The following KCNH8 variants were observed in gnomAD, a reference collection of about 807,000 sequenced individuals.
KCNH8 encodes voltage-gated delayed rectifier potassium channel KCNH8.
In KCNH8, 70 loss-of-function variants were observed where a neutral mutation model predicts 103.6. The observed-to-expected ratio is 0.68, with a 90% CI of 0.56 to 0.82. The LOEUF (loss-of-function observed/expected upper bound fraction) is 0.82, where lower values mean the gene tolerates loss of function less well. KCNH8 is among the 40% of genes least tolerant of loss of function. KCNH8 has a pLI of 0.00. For synonymous variants in KCNH8, 498 were observed against 489.4 expected (o/e 1.02, Z -0.23); for missense variants, 1,217 against 1,329.9 (o/e 0.92, Z 1.32).
intron 3 of KCNH8, among the ~76,000 whole-genome samples, chr3:19,329,791 G>GA (rs907030645): frequency 1.3e-5 from 2 of 152,006 alleles, no homozygotes; most frequent in African/African-American, 2.4e-5. Flanking sequence ...CATTTGGAGG[G>GA]AAAAAAAGCA....
At chr3:19,224,445 C>T (rs180995434) in intron 1 of KCNH8, among the ~76,000 whole-genome samples, 1 of 151,902 alleles carries the variant, frequency 6.6e-6, no homozygotes, top group African/African-American at 2.4e-5. Context: ...TAAAGAGAAA[C>T]AAACCATTTT....
At chr3:19,448,237 A>G (rs1288080375) in intron 8 of KCNH8, among the ~76,000 whole-genome samples, 2 of 151,986 alleles carry the variant, frequency 1.3e-5, no homozygotes, top group Non-Finnish European at 2.9e-5. Flanking sequence ...TGCCCATTTA[A>G]CATGAATCTG....
intron 7 of KCNH8, among the ~76,000 whole-genome samples, chr3:19,432,334 C>A (rs1033302768): frequency 6.6e-6 from 1 of 152,086 alleles, no homozygotes; most frequent in African/African-American, 2.4e-5. Flanking sequence ...CAGGAAACTA[C>A]CAAAAACAGT....
intron 3 of KCNH8, among the ~76,000 whole-genome samples, chr3:19,297,764 T>C (rs1310435872): frequency 6.6e-6 from 1 of 152,014 alleles, no homozygotes; most frequent in Non-Finnish European, 1.5e-5. Flanking sequence ...AACAGAGAAG[T>C]GGTGAAGTGG....
In KCNH8 at chr3:19,467,531, C is replaced by T. The variant is rs184948925; in HGVS notation, c.2040+10549C>T. ...ATGTGTTTCCTTTGTCAGGAATAAG[C>T]TGAACTCTAATGTATGAGTCAACTT... On this transcript the variant is annotated intron_variant, in intron 11 of 15. Coordinates refer to ENST00000328405, the MANE Select transcript of KCNH8 (RefSeq NM_144633.3). Among the ~76,000 whole-genome samples, 232 of 152,286 alleles carry T rather than the reference C, an allele frequency of 1.5e-3. 1 individual carries two copies. Among genetic ancestry groups the T allele is most frequent in the Middle Eastern group, 0.01 (3 of 292 alleles).
At chr3:19,181,386 G>A (rs56837808) in intron 1 of KCNH8, among the ~76,000 whole-genome samples, 6,281 of 152,110 alleles carry the variant, frequency 0.041, 464 homozygotes, top group African/African-American at 0.14. Flanking sequence ...AACAAAGATA[G>A]ATCAGAAATG....
intron 1 of KCNH8, among the ~76,000 whole-genome samples, chr3:19,222,694 T>A (rs905797516): frequency 5.3e-5 from 8 of 152,190 alleles, no homozygotes; most frequent in Non-Finnish European, 1.2e-4. Context: ...ATTCAAAACT[T>A]TCCAGATCTA....
At chr3:19,259,740 C>T (rs1164997790) in intron 2 of KCNH8, among the ~76,000 whole-genome samples, 1 of 150,168 alleles carries the variant, frequency 6.7e-6, no homozygotes, top group Non-Finnish European at 1.5e-5. Context: ...TACATACACA[C>T]ATATATATGT....
intron 1 of KCNH8, among the ~76,000 whole-genome samples, chr3:19,203,775 TGAAAGG>T (rs1308731874): frequency 6.6e-6 from 1 of 152,100 alleles, no homozygotes; most frequent in Non-Finnish European, 1.5e-5. Context: ...CACTATATTT[TGAAAGG>T]TTTTACAATG....
At chr3:19,501,557 A>G (rs1349537931) in intron 11 of KCNH8, among the ~76,000 whole-genome samples, 1 of 152,228 alleles carries the variant, frequency 6.6e-6, no homozygotes, top group African/African-American at 2.4e-5. Flanking sequence ...ATCCAGCAGC[A>G]CATCAAAAAC....
intron 1 of KCNH8, among the ~76,000 whole-genome samples, chr3:19,152,933 C>A (rs1349316144): frequency 2.0e-5 from 3 of 150,226 alleles, no homozygotes; most frequent in African/African-American, 7.4e-5. Flanking sequence ...GAGACTCTGT[C>A]TTAAAAAGAA....
chr3:19,253,533 C>T, intron 1 of KCNH8, 121 bp from the exon 2 acceptor site: 1 of 750,960 alleles, frequency 1.3e-6, no homozygotes, highest in Non-Finnish European at 2.3e-6. Context: ...TCCACTGCAG[C>T]ACATCAGAAT....
chr3:19,211,529 T>C (rs1319356890), intron 1 of KCNH8, among the ~76,000 whole-genome samples: 1 of 152,210 alleles, frequency 6.6e-6, no homozygotes, highest in East Asian at 1.9e-4. Flanking sequence ...TAAATAATGT[T>C]GAACCATCAG....
intron 5 of KCNH8, among the ~76,000 whole-genome samples, chr3:19,373,211 G>A (rs1242662428): frequency 1.3e-5 from 2 of 151,998 alleles, no homozygotes; most frequent in Middle Eastern, 3.2e-3. Context: ...TGTACCTCTG[G>A]TAGAATTCGG....
intron 5 of KCNH8, among the ~76,000 whole-genome samples, 190 bp from the exon 6 acceptor site, chr3:19,390,291 T>A (rs1288593849): frequency 6.6e-6 from 1 of 152,094 alleles, no homozygotes; most frequent in Non-Finnish European, 1.5e-5. Context: ...ATATTATCAA[T>A]CTGAACTAGG....
chr3:19,173,676 A>G (rs549509415), intron 1 of KCNH8, among the ~76,000 whole-genome samples: 45 of 152,294 alleles, frequency 3.0e-4, no homozygotes, highest in Non-Finnish European at 5.9e-4. Flanking sequence ...TCTGGAGAAC[A>G]CACTAAATCA....
At chr3:19,311,491 TTAAA>T (rs964383130) in intron 3 of KCNH8, among the ~76,000 whole-genome samples, 2 of 151,190 alleles carry the variant, frequency 1.3e-5, no homozygotes, top group African/African-American at 4.8e-5. Context: ...TAAATAATAA[TTAAA>T]TATATATTTA....
At chr3:19,282,060 G>A (rs995618213) in intron 3 of KCNH8, among the ~76,000 whole-genome samples, 5 of 152,038 alleles carry the variant, frequency 3.3e-5, no homozygotes, top group African/African-American at 7.2e-5. Context: ...GGATTTCTAT[G>A]TAGTAAGTTC....
intron 1 of KCNH8, among the ~76,000 whole-genome samples, chr3:19,249,436 A>G (rs2064248593): frequency 6.6e-6 from 1 of 152,206 alleles, no homozygotes; most frequent in Admixed American, 6.5e-5. Flanking sequence ...TATAAACAGA[A>G]AAGACCAAAT....
Sources: gnomAD v4.1 joint callset for allele counts (sites outside exome capture counted in the v4.1 genomes callset) on GRCh38, gnomAD v4.1.1 for gene constraint, MANE v1.5 for transcripts, NCBI Gene and HGNC (gene_info 2026-07-23, HGNC 2026-07-21) for gene names.